Variants in NDRG3 observed in about 807,000 individuals in gnomAD.
The protein encoded by NDRG3 is NDRG family member 3, also known as protein NDRG3.
A neutral mutation model predicts 57.2 loss-of-function variants in NDRG3; 23 were observed. The ratio of observed to expected loss-of-function variants is 0.40; its 90% CI spans 0.29 to 0.57. The LOEUF is 0.57. Among genes scored for constraint, NDRG3 ranks in the 20% least tolerant of loss-of-function variants. The pLI is 0.42. For synonymous variants in NDRG3, 132 were observed against 162.6 expected (o/e 0.81, Z 1.43); for missense variants, 384 against 457.3 (o/e 0.84, Z 1.46).
intron 1 of NDRG3, among the ~76,000 whole-genome samples, chr20:36,743,405 A>G (rs909599767): frequency 3.3e-5 from 5 of 152,166 alleles, no homozygotes; most frequent in Non-Finnish European, 7.3e-5. Context: ...GAGGCAGGAA[A>G]ATCGCTTGAA....
intron 1 of NDRG3, among the ~76,000 whole-genome samples, chr20:36,731,573 C>T (rs540893842): frequency 2.7e-5 from 4 of 150,620 alleles, no homozygotes; most frequent in Admixed American, 1.3e-4. Flanking sequence ...TTTGGGAGGC[C>T]GAGGCGAGTG....
chr20:36,693,141 TACACACACACACATATACAC>T (rs1982464794), intron 3 of NDRG3, among the ~76,000 whole-genome samples: 10 of 34,586 alleles, frequency 2.9e-4, no homozygotes, highest in East Asian at 1.8e-3. Context: ...TATATATATA[TACACACACACACATATACAC>T]ATATATATAT....
chr20:36,665,881 C>T (rs1478311983), intron 10 of NDRG3, among the ~76,000 whole-genome samples: 1 of 152,182 alleles, frequency 6.6e-6, no homozygotes. Flanking sequence ...TAGGCATGAG[C>T]CACCACGCCC....
At chr20:36,708,626 T>G (rs1600934079) in intron 2 of NDRG3, among the ~76,000 whole-genome samples, 1 of 129,856 alleles carries the variant, frequency 7.7e-6, no homozygotes, top group Non-Finnish European at 1.6e-5. Context: ...TCAGCCTGGG[T>G]GTCAGAGCGA....
chr20:36,669,834 G>C (rs1414254250), intron 9 of NDRG3, among the ~76,000 whole-genome samples: 1 of 152,108 alleles, frequency 6.6e-6, no homozygotes, highest in Non-Finnish European at 1.5e-5. Context: ...CTGACCTCAA[G>C]TGGTCTGCTC....
intron 15 of NDRG3, 22 bp downstream of exon 15, chr20:36,656,338 T>C (rs779859953): frequency 2.2e-5 from 35 of 1,608,914 alleles, no homozygotes; most frequent in South Asian, 1.0e-4. Context: ...CGTTGCTAGA[T>C]AGAAAGTTGT....
Position 36,728,910 on chromosome 20 carries a change from C to G in NDRG3, c.-48-7127G>C, listed in dbSNP as rs553012062. On this transcript the variant is annotated intron_variant, in intron 1 of 15. Transcript: ENST00000349004. Reference sequence around the variant, plus strand: ...CTAAGTTTTGTATTTTTAGTAGAGACAAGGTTTCACCATGTTGGCCAGGCT... The same window carrying G: ...CTAAGTTTTGTATTTTTAGTAGAGAGAAGGTTTCACCATGTTGGCCAGGCT... 2.2e-4 allele frequency among the ~76,000 whole-genome samples: 33 copies of G among 152,112 alleles called. 1 individual carries two copies. The South Asian group carries it at 6.7e-3, about 31-fold the overall frequency.
chr20:36,737,378 G>A (rs1234688299), intron 1 of NDRG3, among the ~76,000 whole-genome samples: 1 of 152,196 alleles, frequency 6.6e-6, no homozygotes, highest in East Asian at 1.9e-4. Context: ...CTGTAAGGCG[G>A]AATCCCTAAA....
chr20:36,723,420 G>C (rs1367418234), intron 1 of NDRG3, among the ~76,000 whole-genome samples: 1 of 151,972 alleles, frequency 6.6e-6, no homozygotes, highest in Non-Finnish European at 1.5e-5. Flanking sequence ...TTTTGTCTTG[G>C]CCCTAAACCT....
At chr20:36,655,738 T>C (rs1978594956) in intron 15 of NDRG3, among the ~76,000 whole-genome samples, 1 of 152,238 alleles carries the variant, frequency 6.6e-6, no homozygotes, top group Non-Finnish European at 1.5e-5. Flanking sequence ...GTTTGAATCA[T>C]GGCCCTGCAG....
intron 2 of NDRG3, among the ~76,000 whole-genome samples, chr20:36,716,648 A>G (rs1386594697): frequency 2.0e-5 from 3 of 152,090 alleles, no homozygotes; most frequent in Admixed American, 2.0e-4. Flanking sequence ...TATTTCCTCA[A>G]TTCTTCAGAA....
intron 3 of NDRG3, among the ~76,000 whole-genome samples, chr20:36,689,179 C>T (rs1234768088): frequency 6.6e-6 from 1 of 152,098 alleles, no homozygotes; most frequent in Non-Finnish European, 1.5e-5. Context: ...GGTGACAGAG[C>T]AAGACTTCGT....
At chr20:36,695,581 T>C (rs1982711768) in intron 3 of NDRG3, among the ~76,000 whole-genome samples, 4 of 152,206 alleles carry the variant, frequency 2.6e-5, no homozygotes, top group South Asian at 4.1e-4. Flanking sequence ...CAGTTGTAGA[T>C]AGGGATGAAA....
At chr20:36,743,964 G>C (rs1284797836) in intron 1 of NDRG3, among the ~76,000 whole-genome samples, 15 of 127,154 alleles carry the variant, frequency 1.2e-4, no homozygotes, top group Non-Finnish European at 2.3e-4. Flanking sequence ...GCAGTGGCGC[G>C]ATCTCGGCTC....
At position 36,738,026 on chromosome 20, in the gene NDRG3, C is replaced by T. The variant is rs6102012; in HGVS notation, c.-49+8019G>A. Among the ~76,000 whole-genome samples, 950 of 146,064 alleles carry T rather than the reference C, an allele frequency of 6.5e-3. 12 individuals carry two copies. Among genetic ancestry groups the T allele is most frequent in the African/African-American group, 0.022 (864 of 39,464 alleles). On this transcript the variant is annotated intron_variant, in intron 1 of 15. Transcript: ENST00000349004. ...TTGCAGTGAGCTGAGATTGTGCCACCGCACTCCAGCCTGGTGACAGAGCAA... is the reference window on the plus strand; with the variant it reads ...TTGCAGTGAGCTGAGATTGTGCCACTGCACTCCAGCCTGGTGACAGAGCAA...
chr20:36,719,549 A>T (rs1984469980), intron 2 of NDRG3, among the ~76,000 whole-genome samples: 1 of 152,132 alleles, frequency 6.6e-6, no homozygotes, highest in Non-Finnish European at 1.5e-5. Context: ...GGCAGGATTC[A>T]AAAGCAAATT....
chr20:36,661,932 GT>G (rs1979234811), intron 12 of NDRG3, among the ~76,000 whole-genome samples: 1 of 152,292 alleles, frequency 6.6e-6, no homozygotes, highest in African/African-American at 2.4e-5. Context: ...CCAAATCGGA[GT>G]TTTGATTTGC....
At chr20:36,674,291 C>A (rs1980452364) in intron 8 of NDRG3, among the ~76,000 whole-genome samples, 1 of 151,636 alleles carries the variant, frequency 6.6e-6, no homozygotes, top group Non-Finnish European at 1.5e-5. Context: ...ACTTTGCCTC[C>A]CGGGTTCAAG....
intron 1 of NDRG3, among the ~76,000 whole-genome samples, chr20:36,729,974 C>A (rs1354227198): frequency 6.6e-6 from 1 of 151,668 alleles, no homozygotes; most frequent in African/African-American, 2.4e-5. Flanking sequence ...GGGCCGGGCA[C>A]GGTGGCTCAC....
Sources: allele counts gnomAD v4.1 joint callset (sites outside exome capture counted in the v4.1 genomes callset), GRCh38; gene constraint gnomAD v4.1.1; transcripts MANE v1.5; gene names NCBI Gene and HGNC (gene_info 2026-07-23, HGNC 2026-07-21).